Variants in COG6 observed in about 807,000 individuals in gnomAD.
The protein encoded by COG6 is conserved oligomeric Golgi complex subunit 6.
COG6 carries 74 observed loss-of-function variants against 88.8 expected under a neutral mutation model. That is an observed-to-expected ratio of 0.83 (90% CI 0.69 to 1.01). The LOEUF is 1.01. Ranked by LOEUF, COG6 falls within the 50% of genes least tolerant of loss-of-function variation. COG6 has a pLI of 0.00. For missense variants in COG6, 800 were observed against 797.9 expected, an observed-to-expected ratio of 1.00 and a Z score of -0.03; for synonymous variants, 286 against 278.7, an observed-to-expected ratio of 1.03 and a Z score of -0.26.
intron 4 of COG6, among the ~76,000 whole-genome samples, chr13:39,670,500 GTAC>G (rs1566172405): frequency 6.6e-6 from 1 of 151,920 alleles, no homozygotes; most frequent in Non-Finnish European, 1.5e-5. Flanking sequence ...TTTTGATTTT[GTAC>G]AGTTATTTCT....
At chr13:39,720,703 A>C (rs1361670014) in intron 15 of COG6, among the ~76,000 whole-genome samples, 1 of 152,004 alleles carries the variant, frequency 6.6e-6, no homozygotes, top group Admixed American at 6.6e-5. Flanking sequence ...AATTTCTTTC[A>C]GTTTTTATAG....
In COG6 at chr13:39,737,222, A is replaced by G. The variant is rs560876444; in HGVS notation, c.1826+9674A>G. Reference sequence around the variant, plus strand: ...CTCGGAGCTGGGGGAGTGGTGATACATGCCTCTTCGTGGCACCACCACTGG... The same window carrying G: ...CTCGGAGCTGGGGGAGTGGTGATACGTGCCTCTTCGTGGCACCACCACTGG... On this transcript the variant is annotated intron_variant, in intron 18 of 18. Coordinates refer to ENST00000455146, the MANE Select transcript of COG6 (RefSeq NM_020751.3). Among the ~76,000 whole-genome samples the G allele has an allele frequency of 3.3e-5, 5 of 152,192 alleles. No individual in the cohort carries two copies. In the East Asian group the frequency reaches 7.8e-4, roughly 24 times the overall value.
At chr13:39,715,300 C>T (rs1246689924) in intron 13 of COG6, among the ~76,000 whole-genome samples, 1 of 152,064 alleles carries the variant, frequency 6.6e-6, no homozygotes, top group Non-Finnish European at 1.5e-5. Context: ...CACAAACACA[C>T]ACATACTATA....
chr13:39,658,632 A>G (rs1258274630), intron 1 of COG6, among the ~76,000 whole-genome samples: 1 of 152,170 alleles, frequency 6.6e-6, no homozygotes, highest in Non-Finnish European at 1.5e-5. Context: ...CCTGCCTAAA[A>G]TCGTAATAAT....
At chr13:39,657,068 T>A (rs1051407989) in intron 1 of COG6, among the ~76,000 whole-genome samples, 1 of 152,218 alleles carries the variant, frequency 6.6e-6, no homozygotes, top group Non-Finnish European at 1.5e-5. Context: ...TTTGCTCTTT[T>A]TGCCCAAGCT....
In COG6 at chr13:39,694,616, T is replaced by C. The variant is rs1198226047; in HGVS notation, c.1075-18T>C. ...TACTTTTAAGAAATGTTTACTTTCC[T>C]CTCACATATTTTAATAGGTTCGAAT... On this transcript the variant is annotated intron_variant, in intron 11 of 18. Coordinates refer to ENST00000455146, the MANE Select transcript of COG6 (RefSeq NM_020751.3). The C allele has an allele frequency of 2.8e-6, 4 of 1,438,888 alleles. No homozygotes were observed. Among genetic ancestry groups the C allele is most frequent in the East Asian group, 4.6e-5 (2 of 43,810 alleles). The allele number at this position is 1,438,888 out of a possible 1,614,324, so 89.1% of individuals were successfully genotyped here.
chr13:39,668,102 TACGATTCATGTATCC>T (rs66638781), intron 4 of COG6, among the ~76,000 whole-genome samples: 33,944 of 151,902 alleles, frequency 0.22, 4,059 homozygotes, highest in Non-Finnish European at 0.28. Context: ...TCTTTTACAT[TACGATTCATGTATCC>T]ACACCTTATC....
At chr13:39,734,950 GGA>G (rs1285946722) in intron 18 of COG6, among the ~76,000 whole-genome samples, 1 of 151,934 alleles carries the variant, frequency 6.6e-6, no homozygotes, top group African/African-American at 2.4e-5. Context: ...CCACTGGCAT[GGA>G]GTATCTTTTT....
intron 18 of COG6, among the ~76,000 whole-genome samples, chr13:39,740,546 C>G (rs919016774): frequency 6.6e-6 from 1 of 152,094 alleles, no homozygotes; most frequent in Admixed American, 6.5e-5. Flanking sequence ...GATTCTAGAC[C>G]CTATTCTCTT....
chr13:39,722,668 A>G (rs957506491), intron 15 of COG6, among the ~76,000 whole-genome samples: 1 of 151,918 alleles, frequency 6.6e-6, no homozygotes. Flanking sequence ...GAATGTTTCA[A>G]CCCATCAAGG....
intron 18 of COG6, among the ~76,000 whole-genome samples, chr13:39,778,425 AAC>A (rs1464777813): frequency 6.6e-6 from 1 of 152,212 alleles, no homozygotes; most frequent in Non-Finnish European, 1.5e-5. Context: ...AGTGTCTAAA[AAC>A]ACATCAGAAT....
At chr13:39,757,809 T>A (rs1297272035) in intron 18 of COG6, among the ~76,000 whole-genome samples, 1 of 152,144 alleles carries the variant, frequency 6.6e-6, no homozygotes, top group Non-Finnish European at 1.5e-5. Context: ...GTGAATTGCT[T>A]CCCTGGTGAA....
intron 13 of COG6, among the ~76,000 whole-genome samples, chr13:39,717,654 C>T (rs1276497627): frequency 6.6e-6 from 1 of 151,960 alleles, no homozygotes; most frequent in Non-Finnish European, 1.5e-5. Flanking sequence ...ATCACTTGAG[C>T]CCAGGAGTTT....
intron 11 of COG6, among the ~76,000 whole-genome samples, chr13:39,693,625 TTAGA>T (rs1877101919): frequency 6.6e-6 from 1 of 152,156 alleles, no homozygotes; most frequent in South Asian, 2.1e-4. Context: ...ATTGTGTTAA[TTAGA>T]TAGTCTATCA....
In COG6 at chr13:39,751,144, G is replaced by T; in HGVS notation, c.*51G>T. On this transcript the variant is annotated 3_prime_UTR_variant, in exon 19 of 19. Transcript: ENST00000455146. Reference sequence around the variant, plus strand: ...AATATGACCTCCCTAAAACACTGAAGGTTATTTTTTATTCTTTGAATTTTT... The same window carrying T: ...AATATGACCTCCCTAAAACACTGAATGTTATTTTTTATTCTTTGAATTTTT... The T allele has an allele frequency of 6.2e-7, 1 of 1,603,672 alleles. No individual in the cohort carries two copies. The highest frequency in any genetic ancestry group is 1.1e-5 in the South Asian group (1 of 89,760).
At chr13:39,744,781 C>T (rs1477707402) in intron 18 of COG6, among the ~76,000 whole-genome samples, 1 of 152,138 alleles carries the variant, frequency 6.6e-6, no homozygotes, top group Non-Finnish European at 1.5e-5. Flanking sequence ...CAAAAAAGAG[C>T]CCACATTGCC....
chr13:39,706,592 T>C (rs182157262), intron 13 of COG6, among the ~76,000 whole-genome samples: 1 of 149,356 alleles, frequency 6.7e-6, no homozygotes, highest in East Asian at 2.0e-4. Context: ...TGAGGACTTT[T>C]GTGTATAGCT....
At chr13:39,720,301 T>G (rs570236424) in intron 15 of COG6, among the ~76,000 whole-genome samples, 16 of 152,212 alleles carry the variant, frequency 1.1e-4, no homozygotes, top group Non-Finnish European at 2.4e-4. Flanking sequence ...TACCAACCAC[T>G]TGAGTTCTTG....
Position 39,659,526 on chromosome 13 carries a change from T to C in COG6, c.297+19T>C. 3.1e-6 allele frequency: 5 copies of C among 1,605,672 alleles called. No homozygotes were observed. Among genetic ancestry groups the C allele is most frequent in the Non-Finnish European group, 1.7e-6 (2 of 1,173,682 alleles). The stretch of plus-strand genomic sequence containing the variant: ...GAAGGAGGTATGTAAACTCTTTTCA[T>C]TTAGCATATATTGAGAACTTACTAT... On this transcript the variant is annotated intron_variant, in intron 2 of 18. Coordinates refer to ENST00000455146, the MANE Select transcript of COG6 (RefSeq NM_020751.3).
Sources: gnomAD v4.1 joint callset for allele counts (sites outside exome capture counted in the v4.1 genomes callset) on GRCh38, gnomAD v4.1.1 for gene constraint, MANE v1.5 for transcripts, NCBI Gene and HGNC (gene_info 2026-07-23, HGNC 2026-07-21) for gene names.